DDIT4L: variants seen among roughly 807,000 people sequenced by gnomAD.
DDIT4L encodes the protein DNA damage-inducible transcript 4-like protein.
DDIT4L carries 13 observed loss-of-function variants against 15.9 expected under a neutral mutation model. The ratio of observed to expected loss-of-function variants is 0.82; its 90% CI spans 0.53 to 1.30. DDIT4L has a LOEUF of 1.30. Among genes scored for constraint, DDIT4L ranks in the 50% most tolerant of loss-of-function variants. The probability of loss-of-function intolerance (pLI) is 0.00; values close to 1 mark genes in which losing one functional copy is unlikely to be tolerated. For synonymous variants in DDIT4L, 82 were observed against 85.4 expected, an observed-to-expected ratio of 0.96 and a Z score of 0.22; for missense variants, 235 against 224.8, an observed-to-expected ratio of 1.05 and a Z score of -0.29.
chr4:100,188,448 A>G (rs986671506), intron 2 of DDIT4L, among the ~76,000 whole-genome samples: 2 of 152,214 alleles, frequency 1.3e-5, no homozygotes, highest in Non-Finnish European at 2.9e-5. Flanking sequence ...TGTACACAAA[A>G]CACACACACA....
At chr4:100,190,207 G>T in intron 1 of DDIT4L, 96 bp downstream of exon 1, 1 of 541,850 alleles carries the variant, frequency 1.8e-6, no homozygotes, top group Non-Finnish European at 3.3e-6. Context: ...GCCGCAACCT[G>T]AAACTAACTC....
chr4:100,187,993 G>A lies in DDIT4L; in HGVS notation c.266C>T (p.Ala89Val), dbSNP rs776691280. ...TGAGGAAAGCCGCAGGACATCTTGAGCAATTCTCTGGGTCAGTTTCTCAGG... is the reference window on the plus strand; with the variant it reads ...TGAGGAAAGCCGCAGGACATCTTGAACAATTCTCTGGGTCAGTTTCTCAGG... ...LVPEKLTQRI[A>V]QDVLRLSSTE... Residue 89 changes from alanine to valine, a missense_variant, in exon 3 of 3, where the codon GCT (alanine) becomes GTT (valine). Ala to Val is a moderately conservative substitution (Grantham distance 64). Coordinates refer to ENST00000273990, the MANE Select transcript of DDIT4L (RefSeq NM_145244.4). 5.6e-6 allele frequency: 9 copies of A among 1,614,058 alleles called. No individual in the cohort carries two copies. The highest frequency in any genetic ancestry group is 1.1e-5 in the South Asian group (1 of 91,072).
At chr4:100,189,060 T>C (rs1019005790) in intron 2 of DDIT4L, among the ~76,000 whole-genome samples, 5 of 152,264 alleles carry the variant, frequency 3.3e-5, no homozygotes, top group African/African-American at 1.2e-4. Flanking sequence ...CTACTCCACC[T>C]TCATCAGCCA....
rs748101614 is a variant in DDIT4L at position 100,190,032 on chromosome 4, G to C, written c.-49C>G. The C allele has an allele frequency of 2.5e-6, 4 of 1,574,356 alleles. No individual in the cohort carries two copies. Among genetic ancestry groups the C allele is most frequent in the East Asian group, 2.2e-5 (1 of 44,688 alleles). ...CGAGGCGCAACGGCCTTTCCTGAGCGCTGGAAAAAATGAGGCGAGAAGAGA... is the reference window on the plus strand; with the variant it reads ...CGAGGCGCAACGGCCTTTCCTGAGCCCTGGAAAAAATGAGGCGAGAAGAGA... On this transcript the variant is annotated splice_region_variant and 5_prime_UTR_variant, in exon 2 of 3. Coordinates refer to ENST00000273990, the MANE Select transcript of DDIT4L (RefSeq NM_145244.4).
chr4:100,187,782 G>T lies in DDIT4L; in HGVS notation c.477C>A (p.Arg159=). ...SFRDFFFSRG[R]FSSGFRRTLI... ...GAGTTCTCCTGAAACCAGAGGAGAA[G>T]CGACCTCTACTAAAGAAAAAGTCCC... Residue 159 remains arginine (R), a synonymous_variant, in exon 3 of 3, where the codon CGC becomes CGA. Transcript: ENST00000273990. The T allele has an allele frequency of 6.2e-7, 1 of 1,612,986 alleles. No individual in the cohort carries two copies. Among genetic ancestry groups the T allele is most frequent in the Non-Finnish European group, 8.5e-7 (1 of 1,179,806 alleles).
intron 1 of DDIT4L, 100 bp downstream of exon 1, chr4:100,190,203 A>G (rs750164120): frequency 2.8e-5 from 15 of 542,838 alleles, no homozygotes; most frequent in Non-Finnish European, 4.2e-5. Flanking sequence ...CGGAGCCGCA[A>G]CCTGAAACTA....
chr4:100,189,850 C>T (rs955967361), intron 2 of DDIT4L, 43 bp downstream of exon 2: 1 of 1,596,050 alleles, frequency 6.3e-7, no homozygotes, highest in Non-Finnish European at 8.6e-7. Flanking sequence ...TCCAGAGGCA[C>T]CGACCTTGGG....
At chr4:100,189,419 G>C (rs1376311343) in intron 2 of DDIT4L, among the ~76,000 whole-genome samples, 1 of 152,118 alleles carries the variant, frequency 6.6e-6, no homozygotes, top group Admixed American at 6.5e-5. Flanking sequence ...CTGCGGGAAA[G>C]AAACCAGACA....
Position 100,186,218 on chromosome 4 carries a change from G to T in DDIT4L, c.*1459C>A, listed in dbSNP as rs3819185. ...GAAGAGTTTAGTTTGTTAGAACACT[G>T]GCTAATTTGAACAGTGACATTTTAG... is the stretch of plus-strand genomic sequence containing the variant. On this transcript the variant is annotated 3_prime_UTR_variant, in exon 3 of 3. Transcript: ENST00000273990. 29,732 of 152,198 alleles carry T rather than the reference G, an allele frequency of 0.2. 3,092 individuals are homozygous for T. The highest frequency in any genetic ancestry group is 0.21 in the Non-Finnish European group (14,524 of 67,986). The allele number at this position is 152,198 out of a possible 1,614,324, so 9.4% of individuals were successfully genotyped here. A position where few individuals can be genotyped will look rare whatever the true frequency, so the allele number is the denominator to read the frequency against.
chr4:100,187,681 G>T lies in DDIT4L; in HGVS notation c.578C>A (p.Ser193Tyr). The change falls in exon 3 of 3, where the codon TCC becomes TAC. Residue 193 changes from serine to tyrosine, a missense_variant. By Grantham distance (144) the Ser-to-Tyr change is moderately radical (BLOSUM62 -2). Transcript: ENST00000273990. ...SLIGTTVIEG[S>Y] ...ATCTTTATATATTTTCCCTTTTTAG[G>T]ACCCTTCAATCACTGTTGTTCCAAT... 1.3e-6 allele frequency: 2 copies of T among 1,583,600 alleles called. No homozygotes were observed. Among genetic ancestry groups the T allele is most frequent in the East Asian group, 2.2e-5 (1 of 44,562 alleles).
chr4:100,188,034 G>A lies in DDIT4L; in HGVS notation c.225C>T (p.Cys75=), dbSNP rs772500068. The A allele has an allele frequency of 6.2e-7, 1 of 1,614,188 alleles. No individual in the cohort carries two copies. Among genetic ancestry groups the A allele is most frequent in the Admixed American group, 1.7e-5 (1 of 60,024 alleles). The change falls in exon 3 of 3, where the codon TGC becomes TGT. Residue 75 remains cysteine (C), a synonymous_variant. Transcript: ENST00000273990. ...GTTTCTCAGGGACAAGGACCTTTGA[G>A]CAACCAAGTTTAGTTTGCTTTGATT... is the stretch of plus-strand genomic sequence containing the variant. ...LSKSKQTKLG[C]SKVLVPEKLT... is the part of the protein sequence containing the mutation.
chr4:100,187,906 C>T lies in DDIT4L; in HGVS notation c.353G>A (p.Cys118Tyr). 1.2e-6 allele frequency: 2 copies of T among 1,613,994 alleles called. No homozygotes were observed. The highest frequency in any genetic ancestry group is 1.7e-6 in the Non-Finnish European group (2 of 1,180,018). Residue 118 changes from cysteine (C) to tyrosine (Y), a missense_variant, in exon 3 of 3, where the codon TGT (cysteine) becomes TAT (tyrosine). Transcript: ENST00000273990. ...MHVNLEIENV[C>Y]KKLDRIVCDS... ...ACACACAATCCTATCCAGCTTTTTA[C>T]ATACATTTTCAATTTCCAAGTTCAC...
At chr4:100,188,652 A>T (rs1162318999) in intron 2 of DDIT4L, among the ~76,000 whole-genome samples, 1 of 152,198 alleles carries the variant, frequency 6.6e-6, no homozygotes, top group Non-Finnish European at 1.5e-5. Context: ...GTAGGAATAC[A>T]TGTATTGTAA....
In DDIT4L at chr4:100,186,579, C is replaced by A. The variant is rs545020550; in HGVS notation, c.*1098G>T. ...CTGGGTGCATGCATGGTTATCTGGA[C>A]GGTGAGTTTCATTCTCTAGGCTGTA... On this transcript the variant is annotated 3_prime_UTR_variant, in exon 3 of 3. Coordinates refer to ENST00000273990, the MANE Select transcript of DDIT4L (RefSeq NM_145244.4). 6.6e-6 allele frequency: 1 copy of A among 152,176 alleles called. No individual in the cohort carries two copies. The highest frequency in any genetic ancestry group is 1.5e-5 in the Non-Finnish European group (1 of 68,040). The allele number at this position is 152,176 out of a possible 1,614,324, so 9.4% of individuals were successfully genotyped here. A position where few individuals can be genotyped will look rare whatever the true frequency, so the allele number is the denominator to read the frequency against.
rs2110148276 is a variant in DDIT4L at position 100,187,632 on chromosome 4, G to A, written c.*45C>T. ...ATGACTTTAGCTGACTAGCTGAATA[G>A]TTTTACTACCCAATCATGAAATAAT... On this transcript the variant is annotated 3_prime_UTR_variant, in exon 3 of 3. Transcript: ENST00000273990. The A allele has an allele frequency of 1.3e-6, 2 of 1,554,622 alleles. No individual in the cohort carries two copies. The highest frequency in any genetic ancestry group is 4.6e-5 in the East Asian group (2 of 43,188).
In DDIT4L at chr4:100,187,761, TCTC is replaced by T; in HGVS notation, c.495_497del (p.Arg166del). ...GAAATCCTGAGCTGAGGATCAGAGT[TCTC>T]CTGAAACCAGAGGAGAAGCGACCTC... On this transcript the variant is annotated inframe_deletion, in exon 3 of 3. Coordinates refer to ENST00000273990, the MANE Select transcript of DDIT4L (RefSeq NM_145244.4). The T allele has an allele frequency of 6.2e-7, 1 of 1,612,688 alleles. No individual in the cohort carries two copies.
At position 100,187,296 on chromosome 4, in the gene DDIT4L, CA is replaced by C. The variant is rs1560555056; in HGVS notation, c.*380del. On this transcript the variant is annotated 3_prime_UTR_variant, in exon 3 of 3. Coordinates refer to ENST00000273990, the MANE Select transcript of DDIT4L (RefSeq NM_145244.4). ...ATTTAAAAAATCCTCTGAAAACTTA[CA>C]GAAAAAAAAGCCATATGAAAATCAA... 2 of 154,594 alleles carry C rather than the reference CA, an allele frequency of 1.3e-5. No individual in the cohort carries two copies. Among genetic ancestry groups the C allele is most frequent in the African/African-American group, 4.8e-5 (2 of 41,400 alleles). 9.6% of individuals were successfully genotyped at this position (154,594 alleles called of 1,614,324 possible). A position where few individuals can be genotyped will look rare whatever the true frequency, so the allele number is the denominator to read the frequency against.
intron 2 of DDIT4L, among the ~76,000 whole-genome samples, chr4:100,189,488 TAAA>T (rs1371326318): frequency 6.6e-6 from 1 of 152,134 alleles, no homozygotes; most frequent in East Asian, 1.9e-4. Context: ...CTTGGAATGA[TAAA>T]AATCAGATCA....
intron 2 of DDIT4L, among the ~76,000 whole-genome samples, 154 bp from the exon 3 acceptor site, chr4:100,188,321 C>G (rs1723458242): frequency 6.6e-6 from 1 of 152,156 alleles, no homozygotes; most frequent in African/African-American, 2.4e-5. Flanking sequence ...TAACTGTTAA[C>G]TAGCTAGGTA....
Sources: gnomAD v4.1 joint callset for allele counts (sites outside exome capture counted in the v4.1 genomes callset) on GRCh38, gnomAD v4.1.1 for gene constraint, MANE v1.5 for transcripts, NCBI Gene and HGNC (gene_info 2026-07-23, HGNC 2026-07-21) for gene names.